FHIT: variants seen among roughly 807,000 people sequenced by gnomAD.
FHIT encodes the protein fragile histidine triad diadenosine triphosphatase, also known as bis(5'-adenosyl)-triphosphatase.
In FHIT, 19 loss-of-function variants were observed where a neutral mutation model predicts 17.9. The observed-to-expected ratio is 1.06, with a 90% CI of 0.74 to 1.56. The LOEUF (loss-of-function observed/expected upper bound fraction) is 1.56, where lower values mean the gene tolerates loss of function less well. Ranked by LOEUF, FHIT falls within the 40% of genes most tolerant of loss-of-function variation. The pLI is 0.00. For synonymous variants in FHIT, 81 were observed against 69.7 expected (o/e 1.16, Z -0.81); for missense variants, 248 against 189.2 (o/e 1.31, Z -1.82).
Position 60,572,515 on chromosome 3 carries a change from A to C in FHIT, c.-17-35536T>G, listed in dbSNP as rs145898073. 8.3e-4 allele frequency among the ~76,000 whole-genome samples: 126 copies of C among 151,422 alleles called. 2 individuals carry two copies. The East Asian group carries it at 0.02, about 24-fold the overall frequency. ...ATCCACAGCCAATATTTTCAGAAAG[A>C]TCACACAAATGCACATACATGCATA... is the stretch of plus-strand genomic sequence containing the variant. On this transcript the variant is annotated intron_variant, in intron 4 of 9. Transcript: ENST00000492590.
chr3:60,081,381 C>T (rs922765566), intron 5 of FHIT, among the ~76,000 whole-genome samples: 1 of 152,074 alleles, frequency 6.6e-6, no homozygotes, highest in Admixed American at 6.6e-5. Context: ...GCCTTGTCAC[C>T]ACAACCCCAT....
Position 61,237,014 on chromosome 3 carries a change from A to T in FHIT, c.-213+14287T>A, listed in dbSNP as rs775441280. On this transcript the variant is annotated intron_variant, in intron 1 of 9. Transcript: ENST00000492590. ...ATGGAGATGGAGGGTTGCCTCAGAC[A>T]CATGTGGGTCTCTTTTGTAGACATA... Among the ~76,000 whole-genome samples, 19 of 152,314 alleles carry T rather than the reference A, an allele frequency of 1.2e-4. No homozygotes were observed. In the South Asian group the frequency reaches 1.9e-3, roughly 15 times the overall value.
intron 1 of FHIT, among the ~76,000 whole-genome samples, chr3:61,243,019 G>T (rs2040408685): frequency 6.6e-6 from 1 of 152,184 alleles, no homozygotes. Flanking sequence ...GTCCTAGGGG[G>T]TTTGGGAAAG....
At chr3:60,122,121 C>T (rs939925027) in intron 5 of FHIT, among the ~76,000 whole-genome samples, 5 of 143,804 alleles carry the variant, frequency 3.5e-5, no homozygotes, top group Non-Finnish European at 6.1e-5. Context: ...TAAAAAAAAA[C>T]GCCTAGAGAT....
chr3:59,767,127 G>A (rs1414360862), intron 8 of FHIT, among the ~76,000 whole-genome samples: 1 of 152,182 alleles, frequency 6.6e-6, no homozygotes, highest in African/African-American at 2.4e-5. Flanking sequence ...ACTTACAACA[G>A]GAGGGGGTCA....
chr3:60,169,156 G>C (rs955906272), intron 5 of FHIT, among the ~76,000 whole-genome samples: 2 of 152,168 alleles, frequency 1.3e-5, no homozygotes, highest in Admixed American at 6.5e-5. Context: ...CCAAAATAAT[G>C]AAAGAACGTG....
intron 8 of FHIT, among the ~76,000 whole-genome samples, chr3:59,774,401 A>T (rs1702210859): frequency 6.6e-6 from 1 of 152,208 alleles, no homozygotes; most frequent in South Asian, 2.1e-4. Context: ...ATTGACTTAA[A>T]ATCACGTCTC....
intron 4 of FHIT, among the ~76,000 whole-genome samples, chr3:60,819,607 C>A (rs1701857042): frequency 6.6e-6 from 1 of 152,180 alleles, no homozygotes; most frequent in Non-Finnish European, 1.5e-5. Flanking sequence ...TAATCATAAT[C>A]ATTATGGCTT....
chr3:59,783,646 G>C (rs930246321), intron 8 of FHIT, among the ~76,000 whole-genome samples: 1 of 152,126 alleles, frequency 6.6e-6, no homozygotes, highest in Non-Finnish European at 1.5e-5. Context: ...TTAGTTGAGA[G>C]AGGTGGTCCT....
chr3:59,911,533 G>A (rs977653280), intron 8 of FHIT, among the ~76,000 whole-genome samples: 2 of 152,168 alleles, frequency 1.3e-5, no homozygotes, highest in Non-Finnish European at 2.9e-5. Context: ...GACAGAGCTG[G>A]CCTTGGTGAT....
chr3:60,249,939 G>C (rs1705609661), intron 5 of FHIT, among the ~76,000 whole-genome samples: 1 of 152,062 alleles, frequency 6.6e-6, no homozygotes, highest in African/African-American at 2.4e-5. Flanking sequence ...AGAAACTCCT[G>C]TTTATAAAAC....
At chr3:59,979,753 A>G (rs1348358745) in intron 7 of FHIT, among the ~76,000 whole-genome samples, 2 of 152,176 alleles carry the variant, frequency 1.3e-5, no homozygotes. Flanking sequence ...CACCCTGCCC[A>G]TAAATGAGTA....
At chr3:60,831,197 G>T (rs563721152) in intron 3 of FHIT, among the ~76,000 whole-genome samples, 1 of 152,126 alleles carries the variant, frequency 6.6e-6, no homozygotes, top group Non-Finnish European at 1.5e-5. Flanking sequence ...ATAATGAGGA[G>T]ATTCTCAAAA....
intron 5 of FHIT, among the ~76,000 whole-genome samples, chr3:60,517,884 C>A (rs886834734): frequency 6.6e-6 from 1 of 152,082 alleles, no homozygotes; most frequent in Non-Finnish European, 1.5e-5. Flanking sequence ...CCATACTGCC[C>A]GGTTCATCAT....
intron 7 of FHIT, among the ~76,000 whole-genome samples, chr3:59,978,834 A>G (rs181537988): frequency 6.6e-6 from 1 of 151,808 alleles, no homozygotes; most frequent in East Asian, 2.0e-4. Flanking sequence ...CTAAAACTCA[A>G]TGGTCTGGAT....
At chr3:60,715,955 C>T (rs959303472) in intron 4 of FHIT, among the ~76,000 whole-genome samples, 11 of 152,072 alleles carry the variant, frequency 7.2e-5, no homozygotes, top group Non-Finnish European at 2.9e-5. Context: ...GTTCTAGATT[C>T]AAAATGTGGC....
intron 7 of FHIT, among the ~76,000 whole-genome samples, chr3:59,943,893 T>C (rs1401157386): frequency 1.3e-5 from 2 of 152,148 alleles, no homozygotes; most frequent in African/African-American, 4.8e-5. Context: ...AGCAAATTAC[T>C]TCATATCTCC....
chr3:60,655,554 T>A (rs1553689351), intron 4 of FHIT, among the ~76,000 whole-genome samples: 1 of 152,174 alleles, frequency 6.6e-6, no homozygotes, highest in African/African-American at 2.4e-5. Flanking sequence ...TAAGCTTTCA[T>A]TAGGGCTTAA....
intron 4 of FHIT, among the ~76,000 whole-genome samples, chr3:60,660,111 C>T (rs1209885556): frequency 6.6e-6 from 1 of 151,950 alleles, no homozygotes; most frequent in Non-Finnish European, 1.5e-5. Context: ...TAATGTCTGG[C>T]TCCAAACACA....
Sources: allele counts gnomAD v4.1 joint callset (sites outside exome capture counted in the v4.1 genomes callset), GRCh38; gene constraint gnomAD v4.1.1; transcripts MANE v1.5; gene names NCBI Gene and HGNC (gene_info 2026-07-23, HGNC 2026-07-21).